The following ADGRL3 variants were observed in gnomAD, a reference collection of about 807,000 sequenced individuals.
ADGRL3 encodes the protein adhesion G protein-coupled receptor L3.
In ADGRL3, 62 loss-of-function variants were observed where a neutral mutation model predicts 153.5. The observed-to-expected ratio is 0.40, with a 90% CI of 0.33 to 0.50. The LOEUF is 0.50. ADGRL3 is among the 20% of genes least tolerant of loss of function. The probability of loss-of-function intolerance (pLI) is 0.47; values close to 1 mark genes in which losing one functional copy is unlikely to be tolerated. For missense variants in ADGRL3, 1,641 were observed against 1,859.4 expected, an observed-to-expected ratio of 0.88 and a Z score of 2.16; for synonymous variants, 710 against 672.5, an observed-to-expected ratio of 1.06 and a Z score of -0.86.
chr4:61,973,821 A>C (rs2099038119), intron 17 of ADGRL3, among the ~76,000 whole-genome samples: 1 of 152,150 alleles, frequency 6.6e-6, no homozygotes, highest in Non-Finnish European at 1.5e-5. Flanking sequence ...GTTCTAACTT[A>C]AGGAAAAGTA....
intron 25 of ADGRL3, among the ~76,000 whole-genome samples, chr4:62,047,719 G>T (rs1215471431): frequency 6.6e-6 from 1 of 151,868 alleles, no homozygotes; most frequent in Admixed American, 6.6e-5. Flanking sequence ...ATTGTACTTC[G>T]CATATCTATA....
intron 1 of ADGRL3, among the ~76,000 whole-genome samples, chr4:61,370,240 T>C (rs1283340265): frequency 6.6e-6 from 1 of 151,102 alleles, no homozygotes; most frequent in African/African-American, 2.4e-5. Flanking sequence ...TCAGTTCTGC[T>C]CTGATTTTAG....
Position 61,201,049 on chromosome 4 carries a change from C to T in ADGRL3, c.-956C>T, listed in dbSNP as rs1734515449. On this transcript the variant is annotated 5_prime_UTR_variant, in exon 1 of 27. Transcript: ENST00000683033. ...GGGACCCTCGGCTGGGAGAGAGCCT[C>T]GGGAGGACGAAGAGGAGGACGGTTT... Among the ~76,000 whole-genome samples, 1 of 152,080 alleles carries T rather than the reference C, an allele frequency of 6.6e-6. No individual in the cohort carries two copies. The highest frequency in any genetic ancestry group is 2.4e-5 in the African/African-American group (1 of 41,410).
intron 1 of ADGRL3, among the ~76,000 whole-genome samples, chr4:61,364,041 A>G (rs993376459): frequency 6.6e-6 from 1 of 152,084 alleles, no homozygotes; most frequent in Non-Finnish European, 1.5e-5. Context: ...ATAGTGAATG[A>G]TCAATAAAAC....
At chr4:61,209,741 CTG>C (rs1158643902) in intron 1 of ADGRL3, among the ~76,000 whole-genome samples, 1 of 152,092 alleles carries the variant, frequency 6.6e-6, no homozygotes, top group Non-Finnish European at 1.5e-5. Context: ...CCACCAAATA[CTG>C]TGTCCGAAGA....
chr4:61,248,188 A>G (rs1757840398), intron 1 of ADGRL3, among the ~76,000 whole-genome samples: 1 of 151,914 alleles, frequency 6.6e-6, no homozygotes, highest in Non-Finnish European at 1.5e-5. Context: ...GCTGCTGTAG[A>G]GTAATTTTTT....
chr4:61,646,682 CT>C (rs778524554), intron 5 of ADGRL3, among the ~76,000 whole-genome samples: 1 of 152,124 alleles, frequency 6.6e-6, no homozygotes, highest in African/African-American at 2.4e-5. Flanking sequence ...CTCTTCAAAG[CT>C]GTCAGACAGG....
chr4:61,991,204 G>T (rs1029856615), intron 19 of ADGRL3, among the ~76,000 whole-genome samples: 1 of 151,804 alleles, frequency 6.6e-6, no homozygotes, highest in African/African-American at 2.4e-5. Context: ...TTACAAAATA[G>T]ATTGTATTAA....
chr4:61,869,991 GGA>G (rs1178772578), intron 9 of ADGRL3, among the ~76,000 whole-genome samples: 811 of 80,886 alleles, frequency 0.01, 13 homozygotes, highest in African/African-American at 0.031. Flanking sequence ...AGAGAGAGAG[GGA>G]GAGAGAGAGA....
intron 1 of ADGRL3, among the ~76,000 whole-genome samples, chr4:61,335,952 G>A (rs1479827484): frequency 6.6e-6 from 1 of 151,934 alleles, no homozygotes; most frequent in Non-Finnish European, 1.5e-5. Flanking sequence ...TTGAAGCTGT[G>A]CTCTCATAAT....
chr4:61,923,225 G>A (rs1264804448), intron 13 of ADGRL3, among the ~76,000 whole-genome samples: 2 of 152,144 alleles, frequency 1.3e-5, no homozygotes, highest in Non-Finnish European at 2.9e-5. Flanking sequence ...TTTGCAAAAC[G>A]ACTTTGGCTA....
intron 2 of ADGRL3, among the ~76,000 whole-genome samples, chr4:61,416,110 A>G (rs2097141931): frequency 6.6e-6 from 1 of 152,070 alleles, no homozygotes; most frequent in South Asian, 2.1e-4. Context: ...GGTATTTTTC[A>G]TTATTTTAAC....
At chr4:61,975,940 A>G (rs2150745094) in intron 17 of ADGRL3, among the ~76,000 whole-genome samples, 1 of 152,312 alleles carries the variant, frequency 6.6e-6, no homozygotes, top group South Asian at 2.1e-4. Flanking sequence ...TGTTTTGGGC[A>G]TATAATATTT....
Position 61,649,732 on chromosome 4 carries a change from A to C in ADGRL3, c.474-27094A>C, listed in dbSNP as rs1194576929. On this transcript the variant is annotated intron_variant, in intron 5 of 26. Transcript: ENST00000683033. Reference sequence around the variant, plus strand: ...TTATAGGTAGTAAAATAAGTGTGTCAGTCTTAATATTGTTCAACTAGTCAG... The same window carrying C: ...TTATAGGTAGTAAAATAAGTGTGTCCGTCTTAATATTGTTCAACTAGTCAG... 2.6e-5 allele frequency among the ~76,000 whole-genome samples: 4 copies of C among 152,158 alleles called. No homozygotes were observed. In the South Asian group the frequency reaches 8.3e-4, roughly 32 times the overall value.
Position 61,647,045 on chromosome 4 carries a change from GC to G in ADGRL3, c.474-29779del, listed in dbSNP as rs553270027. On this transcript the variant is annotated intron_variant, in intron 5 of 26. Transcript: ENST00000683033. ...GTGGGAGTCACTCGATTTTCCAGGT[GC>G]CGTCCATCACCCCTTTCTTTGACTA... Among the ~76,000 whole-genome samples, 48 of 152,260 alleles carry G rather than the reference GC, an allele frequency of 3.2e-4. 1 individual carries two copies. The South Asian group carries it at 8.5e-3, about 27-fold the overall frequency.
At chr4:61,864,101 A>G (rs1217175820) in intron 9 of ADGRL3, among the ~76,000 whole-genome samples, 1 of 152,224 alleles carries the variant, frequency 6.6e-6, no homozygotes, top group Non-Finnish European at 1.5e-5. Flanking sequence ...TACTGTACTC[A>G]ATGCTGCTAT....
At chr4:61,571,097 T>G (rs1410072909) in intron 4 of ADGRL3, among the ~76,000 whole-genome samples, 1 of 151,888 alleles carries the variant, frequency 6.6e-6, no homozygotes, top group Non-Finnish European at 1.5e-5. Context: ...AGAGATGATC[T>G]TAGGGGAAAG....
intron 9 of ADGRL3, among the ~76,000 whole-genome samples, chr4:61,847,356 C>G (rs923734891): frequency 1.3e-5 from 2 of 150,632 alleles, no homozygotes; most frequent in African/African-American, 2.4e-5. Flanking sequence ...AAGTATTATA[C>G]CAAGTTACAG....
chr4:61,497,457 A>T (rs1237374745), intron 3 of ADGRL3, 109 bp downstream of exon 3: 3 of 581,048 alleles, frequency 5.2e-6, no homozygotes, highest in South Asian at 5.0e-5. Flanking sequence ...TTTCCTTATC[A>T]TATGTTAGTA....
Sources: allele counts gnomAD v4.1 joint callset (sites outside exome capture counted in the v4.1 genomes callset), GRCh38; gene constraint gnomAD v4.1.1; transcripts MANE v1.5; gene names NCBI Gene and HGNC (gene_info 2026-07-23, HGNC 2026-07-21).